Variants in JMJD1C observed in about 807,000 individuals in gnomAD.
The protein encoded by JMJD1C is jumonji domain containing 1C.
Under a neutral mutation model 245.3 loss-of-function variants are expected in JMJD1C, and 31 were observed. The ratio of observed to expected loss-of-function variants is 0.13; its 90% confidence interval spans 0.09 to 0.17. The LOEUF is 0.17. Ranked by LOEUF, JMJD1C falls within the 10% of genes least tolerant of loss-of-function variation. The pLI is 1.00. For missense variants in JMJD1C, 2,691 were observed against 3,000.2 expected (o/e 0.90, Z 2.41); for synonymous variants, 1,057 against 1,017.4 (o/e 1.04, Z -0.74).
chr10:63,381,870 A>T (rs964158504), intron 1 of JMJD1C, among the ~76,000 whole-genome samples: 5 of 152,176 alleles, frequency 3.3e-5, no homozygotes, highest in African/African-American at 1.2e-4. Flanking sequence ...CTAAATAATG[A>T]TGTCTGTACT....
chr10:63,458,731 A>ATTT (rs71463523), intron 1 of JMJD1C, among the ~76,000 whole-genome samples: 1 of 145,352 alleles, frequency 6.9e-6, no homozygotes, highest in Non-Finnish European at 1.5e-5. Context: ...TTATTTATTT[A>ATTT]TTTTTTTTTT....
intron 1 of JMJD1C, chr10:63,382,819 C>A (rs1193035343): frequency 2.2e-6 from 1 of 456,026 alleles, no homozygotes; most frequent in Admixed American, 2.3e-5. Context: ...GTTTCCATTT[C>A]CACTTATTTG....
At chr10:63,298,541 G>A (rs1479548551) in intron 2 of JMJD1C, among the ~76,000 whole-genome samples, 1 of 151,962 alleles carries the variant, frequency 6.6e-6, no homozygotes, top group Non-Finnish European at 1.5e-5. Flanking sequence ...CCTAGATTAA[G>A]GGCAACTCTA....
chr10:63,466,043 C>T (rs1953250640), upstream of JMJD1C: 1 of 234,066 alleles, frequency 4.3e-6, no homozygotes, highest in South Asian at 6.7e-5. Context: ...GCGGGCGGGG[C>T]AGCAGCCGCG....
intron 3 of JMJD1C, among the ~76,000 whole-genome samples, chr10:63,224,363 G>C (rs1848993337): frequency 6.6e-6 from 1 of 151,988 alleles, no homozygotes; most frequent in South Asian, 2.1e-4. Flanking sequence ...TATGACATTT[G>C]AGTGCTGAAT....
intron 10 of JMJD1C, chr10:63,204,267 C>T (rs1846349878): frequency 1.0e-6 from 1 of 985,212 alleles, no homozygotes; most frequent in Non-Finnish European, 1.2e-6. Flanking sequence ...AAAACAGCCT[C>T]TCTAAAGCTA....
chr10:63,365,800 C>A (rs561623053), intron 2 of JMJD1C, among the ~76,000 whole-genome samples: 2 of 152,260 alleles, frequency 1.3e-5, no homozygotes, highest in African/African-American at 4.8e-5. Flanking sequence ...TTATAAAAGT[C>A]CTTTATATAC....
chr10:63,387,364 G>A (rs1315427937), intron 1 of JMJD1C, among the ~76,000 whole-genome samples: 1 of 151,908 alleles, frequency 6.6e-6, no homozygotes, highest in Non-Finnish European at 1.5e-5. Flanking sequence ...TCTTGGAATT[G>A]AAAATATTGA....
At chr10:63,376,654 C>G (rs1946766069) in intron 2 of JMJD1C, among the ~76,000 whole-genome samples, 1 of 152,082 alleles carries the variant, frequency 6.6e-6, no homozygotes, top group Non-Finnish European at 1.5e-5. Flanking sequence ...ATACAAATGG[C>G]CAAGAAGCAC....
At chr10:63,398,664 GAC>G (rs965897592) in intron 1 of JMJD1C, among the ~76,000 whole-genome samples, 1 of 146,810 alleles carries the variant, frequency 6.8e-6, no homozygotes, top group African/African-American at 2.5e-5. Flanking sequence ...TTTTTTTTGA[GAC>G]AGACTCTCAC....
intron 1 of JMJD1C, among the ~76,000 whole-genome samples, chr10:63,440,177 A>T (rs1951287374): frequency 6.6e-6 from 1 of 152,072 alleles, no homozygotes; most frequent in African/African-American, 2.4e-5. Flanking sequence ...TCCACTAAAA[A>T]TACAAAAATT....
intron 3 of JMJD1C, chr10:63,222,802 A>G: frequency 6.9e-7 from 1 of 1,455,610 alleles, no homozygotes; most frequent in East Asian, 2.3e-5. Flanking sequence ...CTAGTGAAAA[A>G]TTAATGATTG....
rs2132713980 is a variant in JMJD1C, at chr10:63,167,646, C to T, written c.*399G>A. ...ATAGCTGGTGTTTGTGTCCTATTCT[C>T]ACAGTAACTGTCTCAATGTAGTGAA... On this transcript the variant is annotated 3_prime_UTR_variant, in exon 26 of 26. Coordinates refer to ENST00000399262, the MANE Select transcript of JMJD1C (RefSeq NM_032776.3). 6.4e-6 allele frequency: 1 copy of T among 155,066 alleles called. No individual in the cohort carries two copies. The highest frequency in any genetic ancestry group is 6.5e-5 in the Admixed American group (1 of 15,482). The allele number at this position is 155,066 out of a possible 1,614,324, so 9.6% of individuals were successfully genotyped here.
intron 1 of JMJD1C, among the ~76,000 whole-genome samples, chr10:63,400,377 T>C (rs1186896810): frequency 6.6e-6 from 1 of 152,148 alleles, no homozygotes; most frequent in East Asian, 1.9e-4. Context: ...TCCATTCCTC[T>C]CCTCTAGAGT....
At chr10:63,332,105 C>T (rs1287656121) in intron 2 of JMJD1C, among the ~76,000 whole-genome samples, 2 of 152,138 alleles carry the variant, frequency 1.3e-5, no homozygotes, top group African/African-American at 2.4e-5. Flanking sequence ...TAATATTATA[C>T]CATTTACCCT....
intron 3 of JMJD1C, among the ~76,000 whole-genome samples, chr10:63,232,213 T>TATA: frequency 6.6e-6 from 1 of 152,172 alleles, no homozygotes; most frequent in Non-Finnish European, 1.5e-5. Flanking sequence ...AACAATCATC[T>TATA]TCTCAATATA....
intron 24 of JMJD1C, among the ~76,000 whole-genome samples, chr10:63,169,022 CTTTG>C (rs1842099887): frequency 1.3e-5 from 2 of 152,156 alleles, no homozygotes; most frequent in Non-Finnish European, 2.9e-5. Context: ...GAAAATGAAA[CTTTG>C]TTAGGAACTG....
intron 13 of JMJD1C, 60 bp from the exon 14 acceptor site, chr10:63,194,435 G>A: frequency 1.8e-6 from 2 of 1,118,252 alleles, no homozygotes; most frequent in Non-Finnish European, 1.4e-6. Flanking sequence ...AATTGATAGT[G>A]TAAAGAACTT....
At chr10:63,274,528 GCACTC>G (rs1375850351) in intron 2 of JMJD1C, among the ~76,000 whole-genome samples, 125 of 152,046 alleles carry the variant, frequency 8.2e-4, no homozygotes, top group Non-Finnish European at 5.9e-5. Flanking sequence ...TTGTGCCACT[GCACTC>G]CAGTCTGGGT....
Sources: allele counts gnomAD v4.1 joint callset (sites outside exome capture counted in the v4.1 genomes callset), GRCh38; gene constraint gnomAD v4.1.1; transcripts MANE v1.5; gene names NCBI Gene and HGNC (gene_info 2026-07-23, HGNC 2026-07-21).